GALNT10: variants seen among roughly 807,000 people sequenced by gnomAD.
GALNT10 encodes the protein GalNAc transferase 10.
A neutral mutation model predicts 75.0 loss-of-function variants in GALNT10; 41 were observed. The ratio of observed to expected loss-of-function variants is 0.55; its 90% CI spans 0.43 to 0.71. The LOEUF (loss-of-function observed/expected upper bound fraction) is 0.71, where lower values mean the gene tolerates loss of function less well. Ranked by LOEUF, GALNT10 falls within the 30% of genes least tolerant of loss-of-function variation. GALNT10 has a pLI of 0.00. For synonymous variants in GALNT10, 302 were observed against 313.0 expected (o/e 0.96, Z 0.37); for missense variants, 727 against 818.5 (o/e 0.89, Z 1.36).
intron 1 of GALNT10, among the ~76,000 whole-genome samples, chr5:154,269,709 G>A (rs1189841837): frequency 6.6e-6 from 1 of 152,266 alleles, no homozygotes; most frequent in Non-Finnish European, 1.5e-5. Flanking sequence ...AGGCTGGTGG[G>A]CAGAGAACAG....
chr5:154,234,012 T>C (rs550636587), intron 1 of GALNT10, among the ~76,000 whole-genome samples: 56 of 152,284 alleles, frequency 3.7e-4, no homozygotes, highest in African/African-American at 1.3e-3. Flanking sequence ...ATGTGTTTCA[T>C]GGTCATCAGT....
At chr5:154,276,757 A>G (rs1047061025) in intron 1 of GALNT10, among the ~76,000 whole-genome samples, 3 of 152,174 alleles carry the variant, frequency 2.0e-5, no homozygotes, top group African/African-American at 7.2e-5. Flanking sequence ...GTAACTTCCA[A>G]AAAGAGAGAG....
At chr5:154,277,079 C>G (rs1206094731) in intron 1 of GALNT10, among the ~76,000 whole-genome samples, 1 of 152,100 alleles carries the variant, frequency 6.6e-6, no homozygotes, top group African/African-American at 2.4e-5. Flanking sequence ...TATGTTGTTG[C>G]TCAAAGGACT....
intron 4 of GALNT10, among the ~76,000 whole-genome samples, chr5:154,344,977 C>T (rs542481790): frequency 1.3e-3 from 195 of 152,314 alleles, no homozygotes; most frequent in African/African-American, 4.5e-3. Context: ...GTCATAGCCC[C>T]CGAGTCCAGG....
At chr5:154,362,517 C>T (rs1195820477) in intron 4 of GALNT10, among the ~76,000 whole-genome samples, 5 of 152,170 alleles carry the variant, frequency 3.3e-5, no homozygotes, top group Non-Finnish European at 5.9e-5. Flanking sequence ...CACAGTCTCT[C>T]TACGCTAATT....
At chr5:154,262,915 A>G (rs1753721186) in intron 1 of GALNT10, among the ~76,000 whole-genome samples, 1 of 152,144 alleles carries the variant, frequency 6.6e-6, no homozygotes, top group Admixed American at 6.5e-5. Flanking sequence ...GACACATGGT[A>G]ACTAGATATA....
At chr5:154,286,090 C>T (rs974124349) in intron 1 of GALNT10, among the ~76,000 whole-genome samples, 3 of 152,186 alleles carry the variant, frequency 2.0e-5, no homozygotes, top group African/African-American at 7.2e-5. Flanking sequence ...TATCTTTGTA[C>T]CATGTACCCC....
chr5:154,382,118 G>C (rs1219204856), intron 6 of GALNT10, among the ~76,000 whole-genome samples: 1 of 152,152 alleles, frequency 6.6e-6, no homozygotes, highest in Non-Finnish European at 1.5e-5. Context: ...CAGGACTGTT[G>C]GAAGCTCAGC....
intron 7 of GALNT10, among the ~76,000 whole-genome samples, chr5:154,400,606 A>G (rs187400635): frequency 6.6e-6 from 1 of 152,330 alleles, no homozygotes; most frequent in East Asian, 1.9e-4. Flanking sequence ...TGCCCATTGC[A>G]GGGAGATTAG....
At chr5:154,221,033 C>G (rs1171412499) in intron 1 of GALNT10, among the ~76,000 whole-genome samples, 2 of 152,196 alleles carry the variant, frequency 1.3e-5, no homozygotes, top group Non-Finnish European at 1.5e-5. Flanking sequence ...AGTTTGACCC[C>G]TCTGTTCCAG....
chr5:154,336,993 G>A (rs1038649292), intron 4 of GALNT10, among the ~76,000 whole-genome samples: 5 of 152,164 alleles, frequency 3.3e-5, no homozygotes, highest in Non-Finnish European at 7.4e-5. Flanking sequence ...TTGCTGATGT[G>A]TACTTAGCTC....
intron 3 of GALNT10, among the ~76,000 whole-genome samples, chr5:154,308,592 T>A (rs1754467605): frequency 6.6e-6 from 1 of 152,176 alleles, no homozygotes; most frequent in African/African-American, 2.4e-5. Flanking sequence ...CTGCCTGTGC[T>A]CTCGGGCTCC....
chr5:154,390,845 G>A (rs920409884), intron 7 of GALNT10, among the ~76,000 whole-genome samples: 2 of 152,206 alleles, frequency 1.3e-5, no homozygotes, highest in African/African-American at 4.8e-5. Context: ...AGAACAAATG[G>A]CATTTTTCTC....
intron 3 of GALNT10, among the ~76,000 whole-genome samples, chr5:154,327,432 C>A (rs1368367057): frequency 6.6e-6 from 1 of 152,058 alleles, no homozygotes; most frequent in East Asian, 1.9e-4. Flanking sequence ...ATTTTCGTAT[C>A]TTTTATCGTA....
At chr5:154,380,401 G>C (rs541457592) in intron 5 of GALNT10, 47 bp from the exon 6 acceptor site, 2 of 1,477,330 alleles carry the variant, frequency 1.4e-6, no homozygotes, top group East Asian at 2.3e-5. Flanking sequence ...GCACTTAGCT[G>C]CTTCCCCATC....
Position 154,278,019 on chromosome 5 carries a change from G to T in GALNT10, c.160-16797G>T, listed in dbSNP as rs562971682. 7.4e-4 allele frequency among the ~76,000 whole-genome samples: 113 copies of T among 152,334 alleles called. 1 individual carries two copies. The highest frequency in any genetic ancestry group is 1.7e-3 in the South Asian group (8 of 4,830). The stretch of plus-strand genomic sequence containing the variant: ...GTAATTGCACAATAAACATGTTTTA[G>T]GTGAATGGATAGATGGATGAATGGA... On this transcript the variant is annotated intron_variant, in intron 1 of 11. Transcript: ENST00000297107.
At chr5:154,413,375 G>C (rs1291004837) in intron 10 of GALNT10, among the ~76,000 whole-genome samples, 2 of 152,236 alleles carry the variant, frequency 1.3e-5, no homozygotes, top group African/African-American at 4.8e-5. Context: ...AGTAGCAGAT[G>C]TGGCCATCAG....
At chr5:154,294,398 A>G (rs532179936) in intron 1 of GALNT10, among the ~76,000 whole-genome samples, 21 of 152,216 alleles carry the variant, frequency 1.4e-4, no homozygotes, top group Non-Finnish European at 2.2e-4. Flanking sequence ...CATTGATTGC[A>G]TGTTGAAGTG....
intron 7 of GALNT10, among the ~76,000 whole-genome samples, chr5:154,401,104 GGGTCACCCT>G (rs1174049937): frequency 5.3e-5 from 8 of 152,264 alleles, no homozygotes; most frequent in Admixed American, 1.3e-4. Flanking sequence ...CGACATATCA[GGGTCACCCT>G]GGTCCCTCAG....
Sources: gnomAD v4.1 joint callset for allele counts (sites outside exome capture counted in the v4.1 genomes callset) on GRCh38, gnomAD v4.1.1 for gene constraint, MANE v1.5 for transcripts, NCBI Gene and HGNC (gene_info 2026-07-23, HGNC 2026-07-21) for gene names.